Variants in CYP2C19 observed in about 807,000 individuals in gnomAD.
CYP2C19 encodes cytochrome P450 2C19.
CYP2C19 carries 59 observed loss-of-function variants against 40.9 expected under a neutral mutation model. The ratio of observed to expected loss-of-function variants is 1.44; its 90% CI spans 1.17 to 1.79. CYP2C19 has a LOEUF of 1.79. CYP2C19 is among the 40% of genes most tolerant of loss of function. The probability of loss-of-function intolerance (pLI) is 0.00; values close to 1 mark genes in which losing one functional copy is unlikely to be tolerated. For missense variants in CYP2C19, 754 were observed against 596.9 expected, an observed-to-expected ratio of 1.26 and a Z score of -2.74; for synonymous variants, 253 against 208.7, an observed-to-expected ratio of 1.21 and a Z score of -1.83.
In CYP2C19 at chr10:94,773,099, G is replaced by A. The variant is rs1848358880; in HGVS notation, c.169-1959G>A. Among the ~76,000 whole-genome samples, 3 of 152,252 alleles carry A rather than the reference G, an allele frequency of 2.0e-5. No individual in the cohort carries two copies. The South Asian group carries it at 6.2e-4, about 32-fold the overall frequency. ...CCCGGCCATTGGTCACTTTTAACTG[G>A]CTGACAGGTGCCCAGTATTTAGCCC... On this transcript the variant is annotated intron_variant, in intron 1 of 8. Transcript: ENST00000371321.
chr10:94,778,815 T>C lies in CYP2C19; in HGVS notation c.482-1684T>C, dbSNP rs76232651. Among the ~76,000 whole-genome samples the C allele has an allele frequency of 7.8e-3, 1,188 of 152,262 alleles. 19 individuals are homozygous for C. Among genetic ancestry groups the C allele is most frequent in the African/African-American group, 0.027 (1,142 of 41,556 alleles). On this transcript the variant is annotated intron_variant, in intron 3 of 8. Transcript: ENST00000371321. ...TCTACTATAAAGATACATACAAACG[T>C]ATGTTTATTGCAGCACTATTTACAA...
At chr10:94,790,322 T>C (rs1848589915) in intron 5 of CYP2C19, among the ~76,000 whole-genome samples, 1 of 152,134 alleles carries the variant, frequency 6.6e-6, no homozygotes, top group South Asian at 2.1e-4. Flanking sequence ...CTTTTCCTAA[T>C]TGAATACCCT....
chr10:94,791,271 A>G (rs1019784435), intron 5 of CYP2C19, among the ~76,000 whole-genome samples: 2 of 151,408 alleles, frequency 1.3e-5, no homozygotes, highest in African/African-American at 4.9e-5. Context: ...CTCCTTTATT[A>G]TTTTTGCTAG....
In CYP2C19 at chr10:94,773,709, C is replaced by T. The variant is rs1369412188; in HGVS notation, c.169-1349C>T. 3.3e-5 allele frequency: 5 copies of T among 152,444 alleles called. No individual in the cohort carries two copies. The East Asian group carries it at 7.7e-4, about 24-fold the overall frequency. The allele number at this position is 152,444 out of a possible 1,614,324, so 9.4% of individuals were successfully genotyped here. On this transcript the variant is annotated intron_variant, in intron 1 of 8. Transcript: ENST00000371321. ...CCTGGTGGGTTTGTGGTCTTGCTGG[C>T]TTTGGGAGAAAAGCTACAGACCTTT...
At chr10:94,818,660 T>C (rs1450146537) in intron 5 of CYP2C19, among the ~76,000 whole-genome samples, 1 of 149,106 alleles carries the variant, frequency 6.7e-6, no homozygotes, top group Non-Finnish European at 1.5e-5. Flanking sequence ...CAATTGTGAA[T>C]GGGAGTTCAC....
intron 6 of CYP2C19, among the ~76,000 whole-genome samples, chr10:94,839,411 A>G (rs544409628): frequency 6.6e-6 from 1 of 152,306 alleles, no homozygotes; most frequent in East Asian, 1.9e-4. Context: ...TTGACCACAA[A>G]GAAAGGGGTC....
chr10:94,818,871 A>G (rs561079192), intron 5 of CYP2C19, among the ~76,000 whole-genome samples: 2 of 152,200 alleles, frequency 1.3e-5, no homozygotes, highest in Non-Finnish European at 2.9e-5. Context: ...TCCTAATTGA[A>G]TCCCCTTTAT....
chr10:94,815,421 T>C (rs1234241573), intron 5 of CYP2C19, among the ~76,000 whole-genome samples: 1 of 152,242 alleles, frequency 6.6e-6, no homozygotes, highest in East Asian at 1.9e-4. Context: ...TGATGATCTC[T>C]TGTACTCAGT....
chr10:94,784,379 G>C (rs936812351), intron 5 of CYP2C19, among the ~76,000 whole-genome samples: 7 of 151,892 alleles, frequency 4.6e-5, no homozygotes, highest in Non-Finnish European at 7.4e-5. Context: ...TTCTTTATGG[G>C]CATGTTTTCA....
intron 5 of CYP2C19, among the ~76,000 whole-genome samples, chr10:94,793,808 G>C (rs1848643748): frequency 6.6e-6 from 1 of 152,148 alleles, no homozygotes; most frequent in Non-Finnish European, 1.5e-5. Flanking sequence ...TCGGGAGCCA[G>C]GTACCCACTT....
chr10:94,834,631 G>A (rs548303658), intron 6 of CYP2C19, among the ~76,000 whole-genome samples: 9 of 151,932 alleles, frequency 5.9e-5, no homozygotes, highest in Non-Finnish European at 1.3e-4. Context: ...GGACCCAAAG[G>A]GGGTTGCCAT....
chr10:94,793,593 G>A (rs1405307614), intron 5 of CYP2C19, among the ~76,000 whole-genome samples: 1 of 152,048 alleles, frequency 6.6e-6, no homozygotes, highest in Non-Finnish European at 1.5e-5. Flanking sequence ...GGACTCTCAG[G>A]TGCAGGCCTG....
intron 5 of CYP2C19, among the ~76,000 whole-genome samples, chr10:94,816,639 A>T (rs1405674207): frequency 1.3e-5 from 2 of 151,700 alleles, no homozygotes; most frequent in African/African-American, 4.8e-5. Flanking sequence ...CAGGTTAGTT[A>T]CATATGTATA....
At chr10:94,839,135 G>T (rs1264425531) in intron 6 of CYP2C19, among the ~76,000 whole-genome samples, 1 of 152,168 alleles carries the variant, frequency 6.6e-6, no homozygotes, top group Non-Finnish European at 1.5e-5. Context: ...TTTCCAGGGT[G>T]CATAACCACC....
At chr10:94,799,313 GA>G (rs1018414475) in intron 5 of CYP2C19, among the ~76,000 whole-genome samples, 2 of 152,108 alleles carry the variant, frequency 1.3e-5, no homozygotes, top group Non-Finnish European at 2.9e-5. Context: ...TTTTCTTTAA[GA>G]ATGTCAAATA....
At chr10:94,787,041 A>G (rs1273833917) in intron 5 of CYP2C19, among the ~76,000 whole-genome samples, 1 of 152,132 alleles carries the variant, frequency 6.6e-6, no homozygotes, top group Admixed American at 6.6e-5. Flanking sequence ...ATCAAATGAT[A>G]ATTTTGTTTT....
intron 7 of CYP2C19, among the ~76,000 whole-genome samples, chr10:94,843,403 C>G (rs1368578037): frequency 6.6e-6 from 1 of 152,158 alleles, no homozygotes; most frequent in East Asian, 1.9e-4. Context: ...TTGAGTCTTT[C>G]TGTTTGTGAA....
chr10:94,788,251 G>T lies in CYP2C19; in HGVS notation c.819+6254G>T, dbSNP rs141491985. 7.9e-3 allele frequency among the ~76,000 whole-genome samples: 1,199 copies of T among 152,106 alleles called. 11 individuals carry two copies. The highest frequency in any genetic ancestry group is 0.012 in the Non-Finnish European group (799 of 67,992). ...TGTGTGCTGAAATTTCACTGGAGTT[G>T]TATATCACTTCCAGGAGCTTTTTGG... is the stretch of plus-strand genomic sequence containing the variant. On this transcript the variant is annotated intron_variant, in intron 5 of 8. Transcript: ENST00000371321.
At chr10:94,831,618 C>T (rs1388318628) in intron 6 of CYP2C19, among the ~76,000 whole-genome samples, 1 of 152,164 alleles carries the variant, frequency 6.6e-6, no homozygotes, top group Non-Finnish European at 1.5e-5. Flanking sequence ...GGTGACATCT[C>T]ATTGTAGTTT....
Sources: allele counts gnomAD v4.1 joint callset (sites outside exome capture counted in the v4.1 genomes callset), GRCh38; gene constraint gnomAD v4.1.1; transcripts MANE v1.5; gene names NCBI Gene and HGNC (gene_info 2026-07-23, HGNC 2026-07-21).